RGS7: variants seen among roughly 807,000 people sequenced by gnomAD.
RGS7 encodes regulator of G-protein signaling 7.
In RGS7, 27 loss-of-function variants were observed where a neutral mutation model predicts 81.1. The observed-to-expected ratio is 0.33, with a 90% CI of 0.25 to 0.46. The LOEUF is 0.46. Ranked by LOEUF, RGS7 falls within the 20% of genes least tolerant of loss-of-function variation. The pLI is 1.00. For missense variants in RGS7, 396 were observed against 607.4 expected, an observed-to-expected ratio of 0.65 and a Z score of 3.66; for synonymous variants, 208 against 207.7, an observed-to-expected ratio of 1.00 and a Z score of -0.01.
chr1:241,120,883 C>T (rs538158390), intron 2 of RGS7, among the ~76,000 whole-genome samples: 9 of 152,118 alleles, frequency 5.9e-5, no homozygotes, highest in Admixed American at 2.0e-4. Flanking sequence ...TGGAGGTGCA[C>T]GAGTGAGGTG....
rs74503478 is a variant in RGS7 at position 240,865,421 on chromosome 1, C to T, written c.609+3166G>A. 1.5e-3 allele frequency among the ~76,000 whole-genome samples: 229 copies of T among 152,338 alleles called. 1 individual carries two copies. Among genetic ancestry groups the T allele is most frequent in the African/African-American group, 4.4e-3 (184 of 41,584 alleles). On this transcript the variant is annotated intron_variant, in intron 9 of 18. Transcript: ENST00000440928. ...GCCTCTGGACAGTTTGAGATACTCT[C>T]TGGTATTTTCCTACACGTGGTCTGG...
At chr1:240,848,633 G>GT (rs5782165) in intron 9 of RGS7, among the ~76,000 whole-genome samples, 1,801 of 148,930 alleles carry the variant, frequency 0.012, 25 homozygotes, top group African/African-American at 0.032. Context: ...ATAACGAGAG[G>GT]TTTTTTTTTT....
intron 3 of RGS7, among the ~76,000 whole-genome samples, chr1:241,078,891 G>A (rs1439330157): frequency 2.0e-5 from 3 of 152,072 alleles, no homozygotes; most frequent in Non-Finnish European, 4.4e-5. Flanking sequence ...GAAATGGCAC[G>A]AAAATCCAGG....
chr1:241,171,921 C>T (rs963330464), intron 2 of RGS7, among the ~76,000 whole-genome samples: 2 of 152,206 alleles, frequency 1.3e-5, no homozygotes, highest in African/African-American at 4.8e-5. Flanking sequence ...GACTCTGTTT[C>T]TTTCTTCAAT....
At chr1:240,806,426 C>A in intron 14 of RGS7, 100 bp from the exon 15 acceptor site, 2 of 1,136,826 alleles carry the variant, frequency 1.8e-6, no homozygotes, top group Non-Finnish European at 2.7e-6. Context: ...CGACTCACAG[C>A]CAGCTCACTT....
intron 2 of RGS7, among the ~76,000 whole-genome samples, chr1:241,239,911 A>G (rs1206920109): frequency 6.6e-6 from 1 of 152,210 alleles, no homozygotes; most frequent in African/African-American, 2.4e-5. Context: ...ACACAGCAGA[A>G]GTGAAGACCA....
intron 2 of RGS7, among the ~76,000 whole-genome samples, chr1:241,126,148 A>G (rs137862098): frequency 2.0e-5 from 3 of 146,514 alleles, no homozygotes; most frequent in Non-Finnish European, 4.5e-5. Flanking sequence ...TTATTTATTT[A>G]TTATTATTAT....
intron 4 of RGS7, among the ~76,000 whole-genome samples, chr1:240,947,628 C>A (rs772030707): frequency 6.6e-6 from 1 of 152,180 alleles, no homozygotes; most frequent in Non-Finnish European, 1.5e-5. Context: ...CCACCTCCAC[C>A]ACCCCAGTCC....
At chr1:241,303,610 TTGTA>T (rs2079904928) in intron 2 of RGS7, among the ~76,000 whole-genome samples, 1 of 152,206 alleles carries the variant, frequency 6.6e-6, no homozygotes, top group African/African-American at 2.4e-5. Flanking sequence ...TTTTTTCAGT[TTGTA>T]TGTCTGAATA....
At chr1:241,306,639 C>T (rs932967613) in intron 2 of RGS7, among the ~76,000 whole-genome samples, 7 of 146,104 alleles carry the variant, frequency 4.8e-5, no homozygotes, top group South Asian at 2.2e-4. Flanking sequence ...CACACATGCA[C>T]GTACCCTTTC....
intron 6 of RGS7, 64 bp downstream of exon 6, chr1:240,930,653 G>T (rs1164987061): frequency 7.0e-7 from 1 of 1,431,936 alleles, no homozygotes; most frequent in Non-Finnish European, 9.9e-7. Flanking sequence ...GCAATAAAAC[G>T]CAAGTACACA....
intron 3 of RGS7, among the ~76,000 whole-genome samples, chr1:241,085,795 G>A (rs903691233): frequency 4.6e-5 from 7 of 152,152 alleles, no homozygotes; most frequent in African/African-American, 1.7e-4. Context: ...GTGGTGGAAG[G>A]TTTGGACTTC....
chr1:241,023,562 G>A (rs1018745093), intron 3 of RGS7, among the ~76,000 whole-genome samples: 1 of 152,180 alleles, frequency 6.6e-6, no homozygotes, highest in African/African-American at 2.4e-5. Context: ...AAACATGGAT[G>A]CCCTGTGATA....
At chr1:240,895,276 CTTTCTTTCTTT>C (rs1367454302) in intron 6 of RGS7, among the ~76,000 whole-genome samples, 3 of 143,866 alleles carry the variant, frequency 2.1e-5, no homozygotes, top group Non-Finnish European at 4.7e-5. Context: ...TTCTTTCTTT[CTTTCTTTCTTT>C]TTTCTTTCTT....
intron 3 of RGS7, among the ~76,000 whole-genome samples, chr1:240,985,405 A>T (rs1490771539): frequency 6.6e-6 from 1 of 152,186 alleles, no homozygotes; most frequent in Non-Finnish European, 1.5e-5. Context: ...CTAAGTTTTT[A>T]AAAATATTCT....
At chr1:240,793,930 C>A (rs1269371666) in intron 18 of RGS7, among the ~76,000 whole-genome samples, 1 of 151,762 alleles carries the variant, frequency 6.6e-6, no homozygotes, top group African/African-American at 2.4e-5. Context: ...AATTTTTAAG[C>A]GTAGTTTACC....
At chr1:240,988,077 C>T (rs1426014143) in intron 3 of RGS7, among the ~76,000 whole-genome samples, 1 of 152,004 alleles carries the variant, frequency 6.6e-6, no homozygotes, top group African/African-American at 2.4e-5. Context: ...GAAGAAACGA[C>T]ATCATACTCA....
At chr1:241,172,091 A>G (rs927737035) in intron 2 of RGS7, among the ~76,000 whole-genome samples, 1 of 152,256 alleles carries the variant, frequency 6.6e-6, no homozygotes, top group African/African-American at 2.4e-5. Context: ...GTCCTTAGCA[A>G]CATAGCATTT....
intron 9 of RGS7, among the ~76,000 whole-genome samples, chr1:240,854,553 G>A (rs1444473656): frequency 1.3e-5 from 2 of 152,124 alleles, no homozygotes; most frequent in Admixed American, 6.5e-5. Context: ...GAGACGCTAC[G>A]CCTCGTCTGG....
Sources: allele counts gnomAD v4.1 joint callset (sites outside exome capture counted in the v4.1 genomes callset), GRCh38; gene constraint gnomAD v4.1.1; transcripts MANE v1.5; gene names NCBI Gene and HGNC (gene_info 2026-07-23, HGNC 2026-07-21).